The following FARP1 variants were observed in gnomAD, a reference collection of about 807,000 sequenced individuals.
The protein encoded by FARP1 is FERM, ARH/RhoGEF and pleckstrin domain protein 1, also known as FERM, ARHGEF and pleckstrin domain-containing protein 1.
Under a neutral mutation model 128.8 loss-of-function variants are expected in FARP1, and 52 were observed. The ratio of observed to expected loss-of-function variants is 0.40; its 90% CI spans 0.32 to 0.51. The LOEUF is 0.51. FARP1 is among the 20% of genes least tolerant of loss of function. The probability of loss-of-function intolerance (pLI) is 0.45; values close to 1 mark genes in which losing one functional copy is unlikely to be tolerated. For missense variants in FARP1, 1,333 were observed against 1,367.9 expected (o/e 0.97, Z 0.40); for synonymous variants, 580 against 551.8 (o/e 1.05, Z -0.72).
intron 2 of FARP1, among the ~76,000 whole-genome samples, chr13:98,225,696 G>A (rs1881717736): frequency 6.6e-6 from 1 of 152,244 alleles, no homozygotes; most frequent in Admixed American, 6.5e-5. Context: ...CCAAGACACT[G>A]CCAACAGCCC....
chr13:98,172,815 A>C (rs2139169364), intron 1 of FARP1, among the ~76,000 whole-genome samples: 1 of 152,276 alleles, frequency 6.6e-6, no homozygotes, highest in East Asian at 1.9e-4. Context: ...TGGGGGTGGG[A>C]GTCTAGAGCC....
intron 3 of FARP1, among the ~76,000 whole-genome samples, chr13:98,361,495 G>T (rs1213629591): frequency 6.6e-6 from 1 of 152,196 alleles, no homozygotes; most frequent in Non-Finnish European, 1.5e-5. Flanking sequence ...TGGGGAGTTT[G>T]CAGAAGTTTA....
intron 2 of FARP1, among the ~76,000 whole-genome samples, chr13:98,256,991 A>ACC (rs71213670): frequency 8.4e-6 from 1 of 119,716 alleles, no homozygotes; most frequent in African/African-American, 3.2e-5. Flanking sequence ...ATATATATAT[A>ACC]CCGAAAGATT....
Position 98,448,269 on chromosome 13 carries a change from T to G in FARP1, c.3090T>G (p.Ser1030=). Residue 1030 remains serine, a synonymous_variant, in exon 27 of 27, where the codon TCT becomes TCG. Transcript: ENST00000319562. ...AAGTGATCCGCAGTGCCACCAGCTCTGCCTCGCGACCCCACGTGTTGAGTC... is the reference window on the plus strand; with the variant it reads ...AAGTGATCCGCAGTGCCACCAGCTCGGCCTCGCGACCCCACGTGTTGAGTC... ...WMEVIRSATS[S]ASRPHVLSHK... 1 of 1,614,174 alleles carries G rather than the reference T, an allele frequency of 6.2e-7. No homozygotes were observed. Among genetic ancestry groups the G allele is most frequent in the Non-Finnish European group, 8.5e-7 (1 of 1,179,978 alleles).
intron 2 of FARP1, among the ~76,000 whole-genome samples, chr13:98,341,586 C>A (rs759527778): frequency 1.3e-5 from 2 of 152,138 alleles, no homozygotes; most frequent in African/African-American, 4.8e-5. Flanking sequence ...GAGCCAAGAT[C>A]GTGCCACTGT....
At chr13:98,196,890 C>T (rs1169786268) in intron 1 of FARP1, among the ~76,000 whole-genome samples, 3 of 152,212 alleles carry the variant, frequency 2.0e-5, no homozygotes, top group African/African-American at 7.2e-5. Context: ...TTTTCCTTGA[C>T]ATTTCACTAT....
intron 2 of FARP1, among the ~76,000 whole-genome samples, chr13:98,244,332 TA>T (rs1882940724): frequency 6.6e-6 from 1 of 152,214 alleles, no homozygotes; most frequent in Admixed American, 6.5e-5. Context: ...TGAGTTTGGA[TA>T]TAAGTATAGG....
chr13:98,187,107 G>A (rs1449852350), intron 1 of FARP1, among the ~76,000 whole-genome samples: 3 of 148,024 alleles, frequency 2.0e-5, no homozygotes, highest in East Asian at 2.0e-4. Flanking sequence ...TCACTGTATC[G>A]TATGGCAATT....
intron 1 of FARP1, among the ~76,000 whole-genome samples, chr13:98,160,946 G>A (rs1357539095): frequency 6.6e-6 from 1 of 151,994 alleles, no homozygotes. Context: ...CCAAAGTGCC[G>A]GGAGTACAGG....
At chr13:98,204,502 C>G (rs548944443) in intron 1 of FARP1, among the ~76,000 whole-genome samples, 1 of 152,112 alleles carries the variant, frequency 6.6e-6, no homozygotes, top group Non-Finnish European at 1.5e-5. Flanking sequence ...GTGGCTGTTA[C>G]AATTATTTTT....
chr13:98,181,100 G>A (rs111954350), intron 1 of FARP1, among the ~76,000 whole-genome samples: 10 of 151,766 alleles, frequency 6.6e-5, no homozygotes, highest in Non-Finnish European at 1.3e-4. Flanking sequence ...TTCTGAAAGA[G>A]TTGTATTGTA....
intron 16 of FARP1, among the ~76,000 whole-genome samples, chr13:98,418,424 A>G (rs545491057): frequency 6.6e-6 from 1 of 152,228 alleles, no homozygotes; most frequent in African/African-American, 2.4e-5. Context: ...ACAGGCGTGC[A>G]TCACCACACC....
intron 6 of FARP1, among the ~76,000 whole-genome samples, chr13:98,383,061 C>T (rs1889951792): frequency 6.6e-6 from 1 of 152,188 alleles, no homozygotes; most frequent in African/African-American, 2.4e-5. Context: ...TGTTTCAAGA[C>T]TACTCTAGGA....
At chr13:98,376,024 G>T (rs1000913593) in intron 5 of FARP1, among the ~76,000 whole-genome samples, 2 of 152,120 alleles carry the variant, frequency 1.3e-5, no homozygotes, top group African/African-American at 2.4e-5. Flanking sequence ...CTATGAGTTT[G>T]TATCATTATT....
chr13:98,339,955 C>G (rs924805494), intron 2 of FARP1, among the ~76,000 whole-genome samples: 3 of 152,128 alleles, frequency 2.0e-5, no homozygotes, highest in Admixed American at 6.5e-5. Flanking sequence ...TGTATGCACT[C>G]CATACATTCA....
At chr13:98,378,978 T>TATATA (rs1555342005) in intron 6 of FARP1, among the ~76,000 whole-genome samples, 2 of 66,516 alleles carry the variant, frequency 3.0e-5, no homozygotes, top group African/African-American at 1.5e-4. Flanking sequence ...ATATATAATC[T>TATATA]ATATATAATA....
Position 98,448,670 on chromosome 13 carries a change from T to TA in FARP1, c.*360dup, listed in dbSNP as rs765399186. ...AAGACAGGGCAAGTGTTTTTCTTCC[T>TA]AAAAAAAGTTCTTTCTTTTATTATT... On this transcript the variant is annotated 3_prime_UTR_variant, in exon 27 of 27. Coordinates refer to ENST00000319562, the MANE Select transcript of FARP1 (RefSeq NM_005766.4). The TA allele has an allele frequency of 1.0e-5, 2 of 191,108 alleles. No homozygotes were observed. The highest frequency in any genetic ancestry group is 1.3e-4 in the East Asian group (1 of 7,592). 11.8% of individuals were successfully genotyped at this position (191,108 alleles called of 1,614,324 possible). A position where few individuals can be genotyped will look rare whatever the true frequency, so the allele number is the denominator to read the frequency against.
At chr13:98,397,387 C>G (rs371656463) in intron 13 of FARP1, 10 of 152,188 alleles carry the variant, frequency 6.6e-5, no homozygotes, top group East Asian at 3.9e-4. Flanking sequence ...CATGGTTGCT[C>G]TTGGTTGGTG....
intron 2 of FARP1, among the ~76,000 whole-genome samples, chr13:98,312,135 CTTTTTTTT>C (rs60890411): frequency 3.5e-5 from 3 of 86,120 alleles, no homozygotes; most frequent in South Asian, 1.0e-3. Flanking sequence ...GTGGTAACTG[CTTTTTTTT>C]TTTTTTTTTT....
Sources: gnomAD v4.1 joint callset for allele counts (sites outside exome capture counted in the v4.1 genomes callset) on GRCh38, gnomAD v4.1.1 for gene constraint, MANE v1.5 for transcripts, NCBI Gene and HGNC (gene_info 2026-07-23, HGNC 2026-07-21) for gene names.